ACTR6: variants seen among roughly 807,000 people sequenced by gnomAD.
The protein encoded by ACTR6 is actin related protein 6, also known as actin-related protein 6.
ACTR6 carries 50 observed loss-of-function variants against 52.5 expected under a neutral mutation model. The ratio of observed to expected loss-of-function variants is 0.95; its 90% CI spans 0.76 to 1.20. The LOEUF is 1.20. Ranked by LOEUF, ACTR6 falls within the 50% of genes most tolerant of loss-of-function variation. The probability of loss-of-function intolerance (pLI) is 0.00; values close to 1 mark genes in which losing one functional copy is unlikely to be tolerated. For missense variants in ACTR6, 344 were observed against 472.4 expected (o/e 0.73, Z 2.52); for synonymous variants, 135 against 147.2 (o/e 0.92, Z 0.60).
At chr12:100,214,860 A>G (rs2096122774) in intron 8 of ACTR6, among the ~76,000 whole-genome samples, 1 of 152,224 alleles carries the variant, frequency 6.6e-6, no homozygotes, top group South Asian at 2.1e-4. Context: ...TGTATCAGGT[A>G]GAGAGAAACT....
In ACTR6 at chr12:100,224,102, C is replaced by T; in HGVS notation, c.*187C>T. On this transcript the variant is annotated 3_prime_UTR_variant, in exon 11 of 11. Transcript: ENST00000188312. ...CTACAGTAAACTGTAACTCAGTCCACATTTTCATTTAGGAGCTAGACTACC... is the reference window on the plus strand; with the variant it reads ...CTACAGTAAACTGTAACTCAGTCCATATTTTCATTTAGGAGCTAGACTACC... 2 of 485,656 alleles carry T rather than the reference C, an allele frequency of 4.1e-6. No individual in the cohort carries two copies. Among genetic ancestry groups the T allele is most frequent in the Non-Finnish European group, 6.8e-6 (2 of 293,212 alleles). 30.1% of individuals were successfully genotyped at this position (485,656 alleles called of 1,614,324 possible). A position where few individuals can be genotyped will look rare whatever the true frequency, so the allele number is the denominator to read the frequency against.
chr12:100,223,761 G>A, intron 10 of ACTR6, 25 bp from the exon 11 acceptor site: 1 of 1,586,992 alleles, frequency 6.3e-7, no homozygotes, highest in African/African-American at 1.4e-5. Context: ...AAATCATCTG[G>A]GTTCATTTAT....
At chr12:100,211,274 T>C (rs1036996096) in intron 6 of ACTR6, among the ~76,000 whole-genome samples, 3 of 152,218 alleles carry the variant, frequency 2.0e-5, no homozygotes, top group Admixed American at 6.5e-5. Context: ...TGATGCACTG[T>C]GTGGGTTTCT....
chr12:100,220,131 T>C lies in ACTR6; in HGVS notation c.1046T>C (p.Val349Ala), dbSNP rs1343713239. The C allele has an allele frequency of 1.2e-6, 2 of 1,612,402 alleles. No homozygotes were observed. Among genetic ancestry groups the C allele is most frequent in the South Asian group, 2.2e-5 (2 of 90,758 alleles). Residue 349 changes from valine (V) to alanine (A), a missense_variant, in exon 10 of 11, where the codon GTT becomes GCT. Coordinates refer to ENST00000188312, the MANE Select transcript of ACTR6 (RefSeq NM_022496.5). Reference sequence around the variant, plus strand: ...ACTCCAACAGATTATGATGTTTCTGTTGTGCTGCCTGAAAAGTAAGTGTTG... The same window carrying C: ...ACTCCAACAGATTATGATGTTTCTGCTGTGCTGCCTGAAAAGTAAGTGTTG... ...CLTPTDYDVSVVLPENPITYA... is the reference protein window; with the variant it reads ...CLTPTDYDVSAVLPENPITYA...
rs1181268962 is a variant in ACTR6 at position 100,210,328 on chromosome 12, T to C, written c.549T>C (p.His183=). ...TGGGAGGAAAACTCTTAACCAATCA[T>C]CTAAAGGAGATCATATCTTACAGGT... ...INVGGKLLTN[H]LKEIISYRQL... The change falls in exon 6 of 11, where the codon CAT becomes CAC. Residue 183 remains histidine, a synonymous_variant. Transcript: ENST00000188312. 6.2e-7 allele frequency: 1 copy of C among 1,614,150 alleles called. No homozygotes were observed. Among genetic ancestry groups the C allele is most frequent in the Non-Finnish European group, 8.5e-7 (1 of 1,180,012 alleles).
chr12:100,210,508 C>G (rs1043496094), intron 6 of ACTR6, among the ~76,000 whole-genome samples, 157 bp downstream of exon 6: 1 of 151,996 alleles, frequency 6.6e-6, no homozygotes, highest in Admixed American at 6.6e-5. Context: ...CACTTGAGGC[C>G]AGGAGTTCGA....
intron 4 of ACTR6, 134 bp downstream of exon 4, chr12:100,207,920 G>T: frequency 1.1e-6 from 1 of 923,184 alleles, no homozygotes. Flanking sequence ...CATCAGTTTG[G>T]GAGGCTGAGG....
At chr12:100,214,649 TG>T (rs1218653043) in intron 8 of ACTR6, among the ~76,000 whole-genome samples, 4 of 152,000 alleles carry the variant, frequency 2.6e-5, no homozygotes, top group Admixed American at 6.6e-5. Context: ...TTGGGAGGAT[TG>T]CTTGTGCCCA....
At chr12:100,203,626 T>C (rs2153899859) in intron 1 of ACTR6, 1 of 146,326 alleles carries the variant, frequency 6.8e-6, no homozygotes, top group East Asian at 2.1e-4. Context: ...TTTATGGCCA[T>C]AATTTTTAAC....
intron 8 of ACTR6, among the ~76,000 whole-genome samples, chr12:100,217,553 T>C (rs1003371101): frequency 2.0e-5 from 3 of 152,204 alleles, no homozygotes; most frequent in African/African-American, 7.2e-5. Context: ...GAGATTATTT[T>C]TGCAGCCCCC....
chr12:100,221,589 T>C (rs951299131), intron 10 of ACTR6: 3 of 152,090 alleles, frequency 2.0e-5, no homozygotes, highest in African/African-American at 7.2e-5. Flanking sequence ...TGTATACTTA[T>C]ATATAAATCT....
chr12:100,205,540 C>T, intron 2 of ACTR6, 136 bp from the exon 3 acceptor site: 1 of 545,950 alleles, frequency 1.8e-6, no homozygotes, highest in South Asian at 3.7e-5. Flanking sequence ...TACAGCATTA[C>T]ACTGGAAATG....
chr12:100,215,914 G>C, intron 8 of ACTR6, among the ~76,000 whole-genome samples: 1 of 152,086 alleles, frequency 6.6e-6, no homozygotes, highest in Non-Finnish European at 1.5e-5. Flanking sequence ...GCTGGGGGAA[G>C]TTACATACTT....
intron 4 of ACTR6, among the ~76,000 whole-genome samples, chr12:100,209,046 C>T (rs1207352058): frequency 5.9e-5 from 9 of 152,184 alleles, no homozygotes; most frequent in African/African-American, 1.9e-4. Context: ...GGCTCCAGGC[C>T]GAATTCTTAT....
At position 100,218,548 on chromosome 12, in the gene ACTR6, C is replaced by T. The variant is rs568191544; in HGVS notation, c.884C>T (p.Pro295Leu). Residue 295 changes from proline to leucine, a missense_variant, in exon 9 of 11, where the codon CCA becomes CTA. Physicochemically the swap from Pro to Leu is moderately conservative, Grantham distance 98. Coordinates refer to ENST00000188312, the MANE Select transcript of ACTR6 (RefSeq NM_022496.5). This position sits in a 1 kb window ranked among gnomAD's most constrained non-coding sequence, Gnocchi z 4.2. Reference sequence around the variant, plus strand: ...ATAGGCATTCAAGAAATGGGAATTCCAGAAGCTATTGTCTATTCAATTCAA... The same window carrying T: ...ATAGGCATTCAAGAAATGGGAATTCTAGAAGCTATTGTCTATTCAATTCAA... ...SDIGIQEMGI[P>L]EAIVYSIQNL... 3 of 1,573,250 alleles carry T rather than the reference C, an allele frequency of 1.9e-6. No individual in the cohort carries two copies. The highest frequency in any genetic ancestry group is 2.6e-6 in the Non-Finnish European group (3 of 1,158,940).
chr12:100,206,115 T>C (rs1375676000), intron 3 of ACTR6: 1 of 154,788 alleles, frequency 6.5e-6, no homozygotes, highest in East Asian at 1.9e-4. Flanking sequence ...TTCTCAAGAA[T>C]GTGTGTGAGA....
intron 7 of ACTR6, 41 bp downstream of exon 7, chr12:100,212,395 T>C: frequency 6.3e-7 from 1 of 1,589,918 alleles, no homozygotes; most frequent in Non-Finnish European, 8.6e-7. Flanking sequence ...AGTAGATTGT[T>C]AGGGGATGTT....
chr12:100,215,449 T>C (rs1012481012), intron 8 of ACTR6, among the ~76,000 whole-genome samples: 9 of 152,228 alleles, frequency 5.9e-5, no homozygotes, highest in African/African-American at 2.2e-4. Context: ...ATTACTTTAC[T>C]CATCTTTAGA....
At position 100,204,935 on chromosome 12, in the gene ACTR6, T is replaced by C; in HGVS notation, c.69-5T>C. On this transcript the variant is annotated splice_region_variant and splice_polypyrimidine_tract_variant and intron_variant, in intron 1 of 10. Transcript: ENST00000188312. ...GGGGATAATTATTTGTTTCCTTGTT[T>C]CTAGGGTTATTCCTAATTGTCAGTT... is the stretch of plus-strand genomic sequence containing the variant. 6.4e-7 allele frequency: 1 copy of C among 1,573,320 alleles called. No homozygotes were observed. Among genetic ancestry groups the C allele is most frequent in the Non-Finnish European group, 8.7e-7 (1 of 1,146,432 alleles).
Sources: allele counts gnomAD v4.1 joint callset (sites outside exome capture counted in the v4.1 genomes callset), GRCh38; gene constraint gnomAD v4.1.1; non-coding constraint Gnocchi (gnomAD v3.1); transcripts MANE v1.5; gene names NCBI Gene and HGNC (gene_info 2026-07-23, HGNC 2026-07-21).